The following THOC2 variants were observed in gnomAD, a reference collection of about 807,000 sequenced individuals.
The protein encoded by THOC2 is THO complex subunit 2, also known as THO complex 2.
Under a neutral mutation model 128.4 loss-of-function variants are expected in THOC2, and 10 were observed. The observed-to-expected ratio is 0.08, with a 90% CI of 0.05 to 0.13. The LOEUF (loss-of-function observed/expected upper bound fraction) is 0.13, where lower values mean the gene tolerates loss of function less well. Ranked by LOEUF, THOC2 falls within the 10% of genes least tolerant of loss-of-function variation. The pLI is 1.00. For synonymous variants in THOC2, 393 were observed against 396.9 expected, an observed-to-expected ratio of 0.99 and a Z score of 0.12; for missense variants, 535 against 1,155.7, an observed-to-expected ratio of 0.46 and a Z score of 7.79.
Position 123,621,733 on chromosome X carries a change from T to A in THOC2, c.3786-146A>T, listed in dbSNP as rs377360299. ...GTCCTTTGAAAACTAAAGGACAACT[T>A]TAAGACAAGGAAAAAGGAAGAAGTA... On this transcript the variant is annotated intron_variant, in intron 30 of 38. Coordinates refer to ENST00000245838, the MANE Select transcript of THOC2 (RefSeq NM_001081550.2). The A allele has an allele frequency of 3.6e-5, 17 of 466,126 alleles. No individual in the cohort carries two copies. The East Asian group carries it at 6.9e-4, about 19-fold the overall frequency. The allele number at this position is 466,126 out of a possible 1,213,427, so 38.4% of individuals were successfully genotyped here. A position where few individuals can be genotyped will look rare whatever the true frequency, so the allele number is the denominator to read the frequency against.
In THOC2 at chrX:123,709,964, T is replaced by C. The variant is rs1486668539; in HGVS notation, c.130+2886A>G. Among the ~76,000 whole-genome samples the C allele has an allele frequency of 3.6e-5, 4 of 111,273 alleles. No homozygotes were observed. In the Admixed American group the frequency reaches 3.8e-4, roughly 11 times the overall value. On this transcript the variant is annotated intron_variant, in intron 2 of 38. Transcript: ENST00000245838. ...TTATAAAAGAAACAAGGAGAAGCAG[T>C]GTGTGCAAGGGAAACTGCCTGCCTG...
At chrX:123,690,551 C>A (rs1335307804) in intron 7 of THOC2, among the ~76,000 whole-genome samples, 1 of 111,576 alleles carries the variant, frequency 9.0e-6, no homozygotes, top group Admixed American at 9.6e-5. Context: ...GTGACACCAA[C>A]TAGGGGCAAG....
intron 8 of THOC2, among the ~76,000 whole-genome samples, chrX:123,672,306 T>C (rs2049310737): frequency 9.3e-6 from 1 of 108,001 alleles, no homozygotes; most frequent in African/African-American, 3.4e-5. Context: ...ACCCAGCTTT[T>C]TTTTTTTTTT....
chrX:123,619,736 G>A (rs1244447725), intron 32 of THOC2: 1 of 188,334 alleles, frequency 5.3e-6, no homozygotes, highest in Non-Finnish European at 9.9e-6. Context: ...ATAGTTAAGA[G>A]GTTTAAGAAA....
At chrX:123,682,818 G>T (rs976764322) in intron 8 of THOC2, among the ~76,000 whole-genome samples, 13 of 111,562 alleles carry the variant, frequency 1.2e-4, no homozygotes, top group African/African-American at 4.2e-4. Context: ...TGAATTTGGG[G>T]TATGTATAAT....
At chrX:123,690,470 T>C (rs188761734) in intron 7 of THOC2, among the ~76,000 whole-genome samples, 2 of 112,062 alleles carry the variant, frequency 1.8e-5, no homozygotes, top group African/African-American at 6.5e-5. Flanking sequence ...GAATGATACA[T>C]CTTTGAAGAA....
chrX:123,683,294 G>A (rs1233290534), intron 8 of THOC2, among the ~76,000 whole-genome samples: 1 of 108,369 alleles, frequency 9.2e-6, no homozygotes, highest in Non-Finnish European at 1.9e-5. Context: ...GCATTAAGGG[G>A]AAAAAAAAAG....
intron 15 of THOC2, 149 bp downstream of exon 15, chrX:123,644,426 C>G (rs2048045576): frequency 2.9e-6 from 1 of 344,731 alleles, no homozygotes; most frequent in Non-Finnish European, 4.9e-6. Flanking sequence ...CCACAGTTAA[C>G]AGTCATTCCA....
chrX:123,666,133 A>T (rs2147799813), intron 11 of THOC2, among the ~76,000 whole-genome samples: 1 of 112,134 alleles, frequency 8.9e-6, no homozygotes, highest in South Asian at 3.7e-4. Flanking sequence ...TTCAAGGAAC[A>T]TTTAACACAC....
At chrX:123,732,847 G>A in intron 1 of THOC2, 105 bp downstream of exon 1, 1 of 878,929 alleles carries the variant, frequency 1.1e-6, no homozygotes, top group Non-Finnish European at 1.7e-6. Flanking sequence ...GCCCGGGTGG[G>A]GGAGGGGGTA....
chrX:123,646,990 T>C (rs2048150939), intron 12 of THOC2, among the ~76,000 whole-genome samples: 1 of 111,891 alleles, frequency 8.9e-6, no homozygotes, highest in Admixed American at 9.5e-5. Flanking sequence ...GACACACAGT[T>C]TTTTTCCCAT....
intron 9 of THOC2, among the ~76,000 whole-genome samples, chrX:123,669,527 G>T (rs773671417): frequency 1.6e-3 from 179 of 110,663 alleles, no homozygotes; most frequent in African/African-American, 5.7e-3. Flanking sequence ...TGTTGGTCAG[G>T]CTGGTCTCGA....
intron 1 of THOC2, among the ~76,000 whole-genome samples, chrX:123,719,046 C>T (rs1464077889): frequency 9.2e-6 from 1 of 108,348 alleles, no homozygotes; most frequent in Admixed American, 1.0e-4. Flanking sequence ...GGTGTGGTGG[C>T]GGGCGCCTGT....
Position 123,645,450 on chromosome X carries a change from A to C in THOC2, c.1387-75T>G, listed in dbSNP as rs145692199. 3.3e-3 allele frequency: 1,965 copies of C among 602,532 alleles called. 4 individuals are homozygous for C. Among genetic ancestry groups the C allele is most frequent in the Middle Eastern group, 4.8e-3 (9 of 1,873 alleles). 49.7% of individuals were successfully genotyped at this position (602,532 alleles called of 1,213,427 possible). On this transcript the variant is annotated intron_variant, in intron 12 of 38. Transcript: ENST00000245838. ...GATGTCACAATTAATTTCTAATTTG[A>C]AAAAACTTTAACTTGCACATGGTTG...
chrX:123,689,163 T>C (rs2050122583), intron 7 of THOC2, among the ~76,000 whole-genome samples: 1 of 112,474 alleles, frequency 8.9e-6, no homozygotes, highest in Admixed American at 9.4e-5. Flanking sequence ...TTATGTTTTA[T>C]TTAACAGCAT....
intron 38 of THOC2, among the ~76,000 whole-genome samples, chrX:123,608,416 A>AC (rs767597369): frequency 1.8e-3 from 185 of 104,275 alleles, no homozygotes; most frequent in African/African-American, 6.2e-3. Context: ...AAACAAACAA[A>AC]AAAAAAAAGA....
At chrX:123,654,602 G>A (rs1389287911) in intron 12 of THOC2, among the ~76,000 whole-genome samples, 1 of 104,604 alleles carries the variant, frequency 9.6e-6, no homozygotes, top group African/African-American at 3.5e-5. Flanking sequence ...AAAAAAAAAT[G>A]CAAAGATTAG....
intron 7 of THOC2, among the ~76,000 whole-genome samples, chrX:123,694,227 T>A (rs1057140154): frequency 1.8e-5 from 2 of 109,398 alleles, no homozygotes; most frequent in Non-Finnish European, 3.8e-5. Context: ...TATGACAGGA[T>A]ACAAGGAAAG....
intron 8 of THOC2, among the ~76,000 whole-genome samples, chrX:123,683,517 G>A (rs2049875364): frequency 9.0e-6 from 1 of 110,804 alleles, no homozygotes; most frequent in Non-Finnish European, 1.9e-5. Context: ...TTACCTTCAA[G>A]GCCAAAACTT....
Sources: gnomAD v4.1 joint callset for allele counts (sites outside exome capture counted in the v4.1 genomes callset) on GRCh38, gnomAD v4.1.1 for gene constraint, MANE v1.5 for transcripts, NCBI Gene and HGNC (gene_info 2026-07-23, HGNC 2026-07-21) for gene names.